The following F5 variants were observed in gnomAD, a reference collection of about 807,000 sequenced individuals.
F5 encodes the protein coagulation factor V.
A neutral mutation model predicts 216.4 loss-of-function variants in F5; 138 were observed. The observed-to-expected ratio is 0.64, with a 90% CI of 0.56 to 0.73. F5 has a LOEUF of 0.73. Ranked by LOEUF, F5 falls within the 30% of genes least tolerant of loss-of-function variation. F5 has a pLI of 0.00. For synonymous variants in F5, 916 were observed against 930.7 expected, an observed-to-expected ratio of 0.98 and a Z score of 0.29; for missense variants, 2,403 against 2,674.0, an observed-to-expected ratio of 0.90 and a Z score of 2.24.
intron 3 of F5, among the ~76,000 whole-genome samples, chr1:169,564,029 T>A (rs1283052244): frequency 6.6e-6 from 1 of 152,144 alleles, no homozygotes; most frequent in African/African-American, 2.4e-5. Flanking sequence ...TCAAATCTTG[T>A]TTTTTATTCT....
Position 169,552,579 on chromosome 1 carries a change from G to A in F5, c.1274C>T (p.Ala425Val). The A allele has an allele frequency of 6.2e-7, 1 of 1,613,472 alleles. No individual in the cohort carries two copies. The highest frequency in any genetic ancestry group is 8.5e-7 in the Non-Finnish European group (1 of 1,179,684). Residue 425 changes from alanine to valine, a missense_variant, in exon 8 of 25, where the codon GCC becomes GTC. Physicochemically the swap from Ala to Val is moderately conservative, Grantham distance 64. Around this residue, in one of 4 missense-constraint regions of F5, gnomAD observed 1,425 missense variants for 1,554.8 expected, o/e 0.92. Coordinates refer to ENST00000367797, the MANE Select transcript of F5 (RefSeq NM_000130.5). ...TACTTTGAGTGTGTCTCTGACCTGGGCTCTGATAATAGGACCCAAAATCCC... is the reference window on the plus strand; with the variant it reads ...TACTTTGAGTGTGTCTCTGACCTGGACTCTGATAATAGGACCCAAAATCCC... ...EDGILGPIIR[A>V]QVRDTLKIVF...
intron 3 of F5, among the ~76,000 whole-genome samples, chr1:169,562,342 T>G (rs1660502302): frequency 6.6e-6 from 1 of 152,008 alleles, no homozygotes; most frequent in Non-Finnish European, 1.5e-5. Flanking sequence ...TTCTATCCTT[T>G]ATTTTTTACC....
chr1:169,514,236 A>G lies in F5; in HGVS notation c.*77T>C, dbSNP rs1571554534. 8 of 1,390,806 alleles carry G rather than the reference A, an allele frequency of 5.8e-6. No homozygotes were observed. In the East Asian group the frequency reaches 1.8e-4, roughly 32 times the overall value. The allele number at this position is 1,390,806 out of a possible 1,614,324, so 86.2% of individuals were successfully genotyped here. A position where few individuals can be genotyped will look rare whatever the true frequency, so the allele number is the denominator to read the frequency against. ...GTGGAAAACTGTTAACATTTAACAC[A>G]GCGTAAAATACATTGCCCATTCTAA... On this transcript the variant is annotated 3_prime_UTR_variant, in exon 25 of 25. Transcript: ENST00000367797.
chr1:169,520,628 C>G lies in F5; in HGVS notation c.6085G>C (p.Glu2029Gln), dbSNP rs753239604. 6.2e-7 allele frequency: 1 copy of G among 1,613,872 alleles called. No individual in the cohort carries two copies. The highest frequency in any genetic ancestry group is 8.5e-7 in the Non-Finnish European group (1 of 1,179,880). Residue 2029 changes from glutamate (E) to glutamine (Q), a missense_variant, in exon 22 of 25, where the codon GAG (glutamate) becomes CAG (glutamine). Transcript: ENST00000367797. The stretch of plus-strand genomic sequence containing the variant: ...ACAATAGGTGGGTCAAACTGATTCT[C>G]TTTTATTGTAGAGGCATCTGAATTG... ...NGNSDASTIK[E>Q]NQFDPPIVAR...
Position 169,541,607 on chromosome 1 carries a change from T to C in F5, c.3483A>G (p.Arg1161=). 1.2e-6 allele frequency: 2 copies of C among 1,614,110 alleles called. No homozygotes were observed. Among genetic ancestry groups the C allele is most frequent in the Middle Eastern group, 1.7e-4 (1 of 6,060 alleles). The part of the protein sequence containing the change: ...PELSEMLEYD[R]SHKSFPTDIS... ...TATCTGTGGGGAAGGACTTGTGACT[T>C]CGGTCATACTCAAGCATTTCACTGA... Residue 1161 remains arginine, a synonymous_variant, in exon 13 of 25, where the codon CGA becomes CGG. Transcript: ENST00000367797.
Position 169,530,829 on chromosome 1 carries a change from C to A in F5, c.5165G>T (p.Gly1722Val), listed in dbSNP as rs555617221. 6.2e-7 allele frequency: 1 copy of A among 1,613,926 alleles called. No homozygotes were observed. The highest frequency in any genetic ancestry group is 8.5e-7 in the Non-Finnish European group (1 of 1,179,824). The change falls in exon 15 of 25, where the codon GGC (glycine) becomes GTC (valine). Residue 1722 changes from glycine to valine, a missense_variant. Transcript: ENST00000367797. ...ATERSGPESPGSACRAWAYYS... is the reference protein window; with the variant it reads ...ATERSGPESPVSACRAWAYYS... ...GTAGGCCCAAGCCCGACAGGCAGAG[C>A]CAGGACTTTCTGGCCCTGATCGCTC... is the stretch of plus-strand genomic sequence containing the variant.
In F5 at chr1:169,559,313, A is replaced by C. The variant is rs770398321; in HGVS notation, c.587-17T>G. On this transcript the variant is annotated splice_polypyrimidine_tract_variant and intron_variant, in intron 4 of 24. Coordinates refer to ENST00000367797, the MANE Select transcript of F5 (RefSeq NM_000130.5). ...TTAGGGTCCCTATGAAAGGAAAGAC[A>C]TGTTTTCAGTAGCACTGCAGATAGA... 4 of 1,613,292 alleles carry C rather than the reference A, an allele frequency of 2.5e-6. No individual in the cohort carries two copies. In the East Asian group the frequency reaches 8.9e-5, roughly 36 times the overall value.
chr1:169,526,874 TATTA>T (rs747588121), intron 17 of F5, among the ~76,000 whole-genome samples: 146 of 150,794 alleles, frequency 9.7e-4, no homozygotes, highest in Middle Eastern at 3.5e-3. Context: ...TTAATTATTA[TATTA>T]ATTAATTAAT....
In F5 at chr1:169,528,796, C is replaced by G. The variant is rs142753412; in HGVS notation, c.5420-702G>C. On this transcript the variant is annotated intron_variant, in intron 16 of 24. Transcript: ENST00000367797. Reference sequence around the variant, plus strand: ...AAAGATAAAGTTTAGTGTTACCAAACGTTTAACTGAAACCAAAGTGAAGGA... The same window carrying G: ...AAAGATAAAGTTTAGTGTTACCAAAGGTTTAACTGAAACCAAAGTGAAGGA... Among the ~76,000 whole-genome samples the G allele has an allele frequency of 1.2e-3, 185 of 152,204 alleles. 1 individual carries two copies. The highest frequency in any genetic ancestry group is 4.2e-3 in the African/African-American group (175 of 41,532).
At position 169,541,933 on chromosome 1, in the gene F5, T is replaced by C; in HGVS notation, c.3157A>G (p.Ser1053Gly). 1 of 1,614,132 alleles carries C rather than the reference T, an allele frequency of 6.2e-7. No homozygotes were observed. Among genetic ancestry groups the C allele is most frequent in the Non-Finnish European group, 8.5e-7 (1 of 1,180,002 alleles). ...LSPRTFHPLR[S>G]EAYNTFSERR... ...TCTGAAAATGTGTTGTAGGCTTCACTTCTTAGAGGGTGAAAGGTCCTCGGA... is the reference window on the plus strand; with the variant it reads ...TCTGAAAATGTGTTGTAGGCTTCACCTCTTAGAGGGTGAAAGGTCCTCGGA... The change falls in exon 13 of 25, where the codon AGT (serine) becomes GGT (glycine). Residue 1053 changes from serine to glycine, a missense_variant. Around this residue, in one of 4 missense-constraint regions of F5, gnomAD observed 1,425 missense variants for 1,554.8 expected, o/e 0.92. Transcript: ENST00000367797.
chr1:169,561,348 T>C (rs1894701), intron 3 of F5, among the ~76,000 whole-genome samples: 53,907 of 151,928 alleles, frequency 0.35, 13,538 homozygotes, highest in African/African-American at 0.69. Flanking sequence ...GAATATGAAA[T>C]GTGTCCATCC....
intron 23 of F5, among the ~76,000 whole-genome samples, chr1:169,517,945 A>G (rs1387363365): frequency 6.6e-6 from 1 of 152,194 alleles, no homozygotes; most frequent in Non-Finnish European, 1.5e-5. Flanking sequence ...TAAGCTGTCT[A>G]AATGAGGAGT....
At chr1:169,526,601 T>C (rs979440077) in intron 17 of F5, among the ~76,000 whole-genome samples, 6 of 152,256 alleles carry the variant, frequency 3.9e-5, no homozygotes, top group Non-Finnish European at 8.8e-5. Flanking sequence ...CTGTTGACTA[T>C]AATTTATGAC....
rs141953644 is a variant in F5 at position 169,535,082 on chromosome 1, C to T, written c.4971+1424G>A. On this transcript the variant is annotated intron_variant, in intron 14 of 24. Coordinates refer to ENST00000367797, the MANE Select transcript of F5 (RefSeq NM_000130.5). ...ATGAAAAACTATTGGGTACTATGCACGCTACTTGGATGATGGGATCAATCA... is the reference window on the plus strand; with the variant it reads ...ATGAAAAACTATTGGGTACTATGCATGCTACTTGGATGATGGGATCAATCA... 1.9e-3 allele frequency among the ~76,000 whole-genome samples: 294 copies of T among 152,170 alleles called. 2 individuals are homozygous for T. The highest frequency in any genetic ancestry group is 3.6e-3 in the Non-Finnish European group (247 of 68,006).
At position 169,541,003 on chromosome 1, in the gene F5, G is replaced by A. The variant is rs1557914755; in HGVS notation, c.4087C>T (p.His1363Tyr). Reference protein sequence around the residue: ...GQMPLSPDPSHTTLSLDLSQT... With the variant: ...GQMPLSPDPSYTTLSLDLSQT... Reference sequence around the variant, plus strand: ...CTGAGGTCTAGAGAAAGGGTTGTATGGCTGGGGTCTGGAGAAAGGGGCATC... The same window carrying A: ...CTGAGGTCTAGAGAAAGGGTTGTATAGCTGGGGTCTGGAGAAAGGGGCATC... Residue 1363 changes from histidine to tyrosine, a missense_variant, in exon 13 of 25, where the codon CAT becomes TAT. His to Tyr is a moderately conservative substitution (Grantham distance 83, BLOSUM62 2). Transcript: ENST00000367797. The A allele has an allele frequency of 2.5e-6, 4 of 1,591,542 alleles. No individual in the cohort carries two copies. The highest frequency in any genetic ancestry group is 2.2e-5 in the East Asian group (1 of 44,858).
In F5 at chr1:169,552,659, C is replaced by T. The variant is rs1162095835; in HGVS notation, c.1194G>A (p.Gln398=). 1 of 1,612,360 alleles carries T rather than the reference C, an allele frequency of 6.2e-7. No homozygotes were observed. Among genetic ancestry groups the T allele is most frequent in the African/African-American group, 1.3e-5 (1 of 74,862 alleles). Residue 398 remains glutamine, a synonymous_variant, in exon 8 of 25, where the codon CAG becomes CAA. Transcript: ENST00000367797. ...GTTTGGTGAAGGACTCATCTTCGTACTGTGTGTACATAACTTTCTTATAAT... is the reference window on the plus strand; with the variant it reads ...GTTTGGTGAAGGACTCATCTTCGTATTGTGTGTACATAACTTTCTTATAAT... ...GKHYKKVMYT[Q]YEDESFTKHT...
chr1:169,542,259 A>C lies in F5; in HGVS notation c.2831T>G (p.Val944Gly). The change falls in exon 13 of 25, where the codon GTT becomes GGT. Residue 944 changes from valine to glycine, a missense_variant. Val to Gly is a moderately radical substitution (Grantham distance 109). Transcript: ENST00000367797. Reference protein sequence around the residue: ...LKQSNSSKILVGRWHLASEKG... With the variant: ...LKQSNSSKILGGRWHLASEKG... ...CTCAGAAGCCAAATGCCATCTCCCA[A>C]CCAAAATCTTAGATGAGTTACTTTG... 1 of 1,614,064 alleles carries C rather than the reference A, an allele frequency of 6.2e-7. No individual in the cohort carries two copies. Among genetic ancestry groups the C allele is most frequent in the Non-Finnish European group, 8.5e-7 (1 of 1,179,982 alleles).
At chr1:169,515,987 G>A (rs1659147493) in intron 23 of F5, among the ~76,000 whole-genome samples, 1 of 152,002 alleles carries the variant, frequency 6.6e-6, no homozygotes, top group Non-Finnish European at 1.5e-5. Context: ...GCTTTATTTG[G>A]AAAAATAATT....
Position 169,542,389 on chromosome 1 carries a change from G to T in F5, c.2701C>A (p.Pro901Thr), listed in dbSNP as rs575744925. Residue 901 changes from proline (P) to threonine (T), a missense_variant, in exon 13 of 25, where the codon CCT becomes ACT. By Grantham distance (38) the Pro-to-Thr change is conservative (BLOSUM62 -1). Coordinates refer to ENST00000367797, the MANE Select transcript of F5 (RefSeq NM_000130.5). ...TCCTCCCAGGGCCTCATTCCGGAAGGAGAACCAGTGTCTTGGCTTAGGTGT... is the reference window on the plus strand; with the variant it reads ...TCCTCCCAGGGCCTCATTCCGGAAGTAGAACCAGTGTCTTGGCTTAGGTGT... Reference protein sequence around the residue: ...GRHLSQDTGSPSGMRPWEDLP... With the variant: ...GRHLSQDTGSTSGMRPWEDLP... 4 of 1,614,058 alleles carry T rather than the reference G, an allele frequency of 2.5e-6. No individual in the cohort carries two copies. In the South Asian group the frequency reaches 4.4e-5, roughly 18 times the overall value.
Sources: gnomAD v4.1 joint callset for allele counts (sites outside exome capture counted in the v4.1 genomes callset) on GRCh38, gnomAD v4.1.1 for gene constraint, gnomAD v4.1.1 regional missense constraint, MANE v1.5 for transcripts, NCBI Gene and HGNC (gene_info 2026-07-23, HGNC 2026-07-21) for gene names.